SEC61A2: variants seen among roughly 807,000 people sequenced by gnomAD.
SEC61A2 encodes the protein protein transport protein Sec61 subunit alpha isoform 2.
A neutral mutation model predicts 59.9 loss-of-function variants in SEC61A2; 28 were observed. The ratio of observed to expected loss-of-function variants is 0.47; its 90% CI spans 0.35 to 0.64. SEC61A2 has a LOEUF of 0.64. Among genes scored for constraint, SEC61A2 ranks in the 30% least tolerant of loss-of-function variants. The pLI is 0.01. For missense variants in SEC61A2, 340 were observed against 585.9 expected (o/e 0.58, Z 4.33); for synonymous variants, 202 against 214.4 (o/e 0.94, Z 0.50).
chr10:12,167,439 A>G (rs1398951623), downstream of SEC61A2: 5 of 363,334 alleles, frequency 1.4e-5, no homozygotes, highest in African/African-American at 6.5e-5. Context: ...GCTGTAGTTA[A>G]CTGCTGTTGA....
downstream of SEC61A2, chr10:12,166,956 C>G (rs1326150257): frequency 4.1e-6 from 1 of 245,454 alleles, no homozygotes; most frequent in Non-Finnish European, 8.5e-6. Flanking sequence ...CTGCCCCAAA[C>G]ATGTCAGTCT....
Position 12,155,208 on chromosome 10 carries a change from G to T in SEC61A2, c.463-570G>T. On this transcript the variant is annotated intron_variant, in intron 6 of 11. Coordinates refer to ENST00000298428, the MANE Select transcript of SEC61A2 (RefSeq NM_018144.4). This position sits in a 1 kb window ranked among gnomAD's most constrained non-coding sequence, Gnocchi z 4.3. ...GTATAGAATGCATTTTTACATTGCT[G>T]CTCGAGTACGTATTTGAGTACATAT... is the stretch of plus-strand genomic sequence containing the variant. The T allele has an allele frequency of 1.4e-6, 1 of 716,198 alleles. No homozygotes were observed. The allele number at this position is 716,198 out of a possible 1,614,324, so 44.4% of individuals were successfully genotyped here.
Position 12,164,777 on chromosome 10 carries a change from A to G in SEC61A2, c.*323A>G, listed in dbSNP as rs1834625576. Reference sequence around the variant, plus strand: ...ATTCGTTTTGCACACAACATTCAAAACACTTCATATTGCCCCCACTTGTTG... The same window carrying G: ...ATTCGTTTTGCACACAACATTCAAAGCACTTCATATTGCCCCCACTTGTTG... On this transcript the variant is annotated 3_prime_UTR_variant, in exon 12 of 12. Transcript: ENST00000298428. This position sits in a 1 kb window ranked among gnomAD's most constrained non-coding sequence, Gnocchi z 7.3. The G allele has an allele frequency of 9.3e-7, 1 of 1,076,812 alleles. No homozygotes were observed. Among genetic ancestry groups the G allele is most frequent in the East Asian group, 7.9e-5 (1 of 12,604 alleles). The allele number at this position is 1,076,812 out of a possible 1,614,324, so 66.7% of individuals were successfully genotyped here.
rs1834407125 is a variant in SEC61A2 at position 12,156,838 on chromosome 10, T to C, written c.617-69T>C. On this transcript the variant is annotated intron_variant, in intron 7 of 11. Transcript: ENST00000298428. The surrounding 1 kb of genome is among the most constrained non-coding windows in gnomAD (Gnocchi z 5.2). The stretch of plus-strand genomic sequence containing the variant: ...TCTGCTGTATACTGGACTTTCACGG[T>C]TAGTTGTTTGAGCTTTGGGACAGCT... The C allele has an allele frequency of 6.6e-7, 1 of 1,513,774 alleles. No homozygotes were observed. Among genetic ancestry groups the C allele is most frequent in the Non-Finnish European group, 9.0e-7 (1 of 1,109,640 alleles). 93.8% of individuals were successfully genotyped at this position (1,513,774 alleles called of 1,614,324 possible). A position where few individuals can be genotyped will look rare whatever the true frequency, so the allele number is the denominator to read the frequency against.
chr10:12,161,200 G>A lies in SEC61A2; in HGVS notation c.1167+79G>A. On this transcript the variant is annotated intron_variant, in intron 10 of 11. Transcript: ENST00000298428. The surrounding 1 kb of genome is among the most constrained non-coding windows in gnomAD (Gnocchi z 5.4). The stretch of plus-strand genomic sequence containing the variant: ...CATCTGTAATCGTAGCACTTTGGCA[G>A]GCTGAGGCCGCTGGATCGCTTCACC... 1 of 1,142,678 alleles carries A rather than the reference G, an allele frequency of 8.8e-7. No individual in the cohort carries two copies. Among genetic ancestry groups the A allele is most frequent in the South Asian group, 1.6e-5 (1 of 62,382 alleles). 70.8% of individuals were successfully genotyped at this position (1,142,678 alleles called of 1,614,324 possible).
intron 6 of SEC61A2, among the ~76,000 whole-genome samples, chr10:12,151,578 G>A (rs1005704600): frequency 2.0e-5 from 3 of 152,098 alleles, no homozygotes; most frequent in African/African-American, 7.2e-5. Flanking sequence ...CCAAAGTGCT[G>A]GGATTACAGG....
rs1175216469 is a variant in SEC61A2, at chr10:12,155,994, T to G, written c.616+63T>G. On this transcript the variant is annotated intron_variant, in intron 7 of 11. Coordinates refer to ENST00000298428, the MANE Select transcript of SEC61A2 (RefSeq NM_018144.4). The surrounding 1 kb of genome is among the most constrained non-coding windows in gnomAD (Gnocchi z 4.3). ...TGGATGTGTGCTGGGAACAAACCCA[T>G]CGTGTCGCAGTACATGCCTAGAGCC... The G allele has an allele frequency of 6.3e-7, 1 of 1,577,026 alleles. No individual in the cohort carries two copies. The highest frequency in any genetic ancestry group is 8.7e-7 in the Non-Finnish European group (1 of 1,148,084).
intron 3 of SEC61A2, among the ~76,000 whole-genome samples, chr10:12,139,232 G>A (rs1833953889): frequency 6.6e-6 from 1 of 151,620 alleles, no homozygotes; most frequent in African/African-American, 2.4e-5. Flanking sequence ...AAAGTGCTGG[G>A]ATTACAGGCG....
chr10:12,152,166 C>G lies in SEC61A2; in HGVS notation c.462+2205C>G, dbSNP rs1223205901. 6.6e-6 allele frequency among the ~76,000 whole-genome samples: 1 copy of G among 151,340 alleles called. No individual in the cohort carries two copies. The highest frequency in any genetic ancestry group is 1.5e-5 in the Non-Finnish European group (1 of 67,908). On this transcript the variant is annotated intron_variant, in intron 6 of 11. Coordinates refer to ENST00000298428, the MANE Select transcript of SEC61A2 (RefSeq NM_018144.4). This position sits in a 1 kb window ranked among gnomAD's most constrained non-coding sequence, Gnocchi z 5.5. Reference sequence around the variant, plus strand: ...TGGTGCAATCTTGGCTCACTGCAACCTCCGCCTCCCAGGTTCAAGCAATTC... The same window carrying G: ...TGGTGCAATCTTGGCTCACTGCAACGTCCGCCTCCCAGGTTCAAGCAATTC...
chr10:12,134,043 G>T (rs1284883092), intron 2 of SEC61A2, among the ~76,000 whole-genome samples: 3 of 152,190 alleles, frequency 2.0e-5, no homozygotes, highest in African/African-American at 7.2e-5. Context: ...GTCTCGCTCT[G>T]TCCCCCAGGC....
At chr10:12,131,682 C>CTTTTTT (rs1199525836) in intron 1 of SEC61A2, among the ~76,000 whole-genome samples, 744 of 46,564 alleles carry the variant, frequency 0.016, 158 homozygotes, top group Non-Finnish European at 0.026. Flanking sequence ...GATTACATAC[C>CTTTTTT]TTTTTTTTTT....
chr10:12,136,810 A>G (rs1222508527), intron 3 of SEC61A2, among the ~76,000 whole-genome samples: 1 of 150,804 alleles, frequency 6.6e-6, no homozygotes, highest in Non-Finnish European at 1.5e-5. Flanking sequence ...TTGTATTTTT[A>G]GTAGAGATGG....
Position 12,129,738 on chromosome 10 carries a change from A to G in SEC61A2, c.-50A>G. ...AGGCCCGAGCCGCGGGAGTCGAGCG[A>G]AGGCAGCGCCGAGGCCGCGGTTTCC... On this transcript the variant is annotated 5_prime_UTR_variant, in exon 1 of 12. Transcript: ENST00000298428. This position sits in a 1 kb window ranked among gnomAD's most constrained non-coding sequence, Gnocchi z 5.6. The G allele has an allele frequency of 1.3e-6, 2 of 1,484,666 alleles. No individual in the cohort carries two copies. Among genetic ancestry groups the G allele is most frequent in the Non-Finnish European group, 1.8e-6 (2 of 1,121,838 alleles). The allele number at this position is 1,484,666 out of a possible 1,614,324, so 92.0% of individuals were successfully genotyped here.
At position 12,152,618 on chromosome 10, in the gene SEC61A2, G is replaced by A. The variant is rs188214618; in HGVS notation, c.462+2657G>A. ...CTACTAAAAACACAAAAATTGGCCG[G>A]GTGCAGTGGCTCACACCTGTAATCC... is the stretch of plus-strand genomic sequence containing the variant. On this transcript the variant is annotated intron_variant, in intron 6 of 11. Transcript: ENST00000298428. The surrounding 1 kb of genome is among the most constrained non-coding windows in gnomAD (Gnocchi z 5.5). Among the ~76,000 whole-genome samples the A allele has an allele frequency of 6.6e-6, 1 of 152,162 alleles. No homozygotes were observed. The highest frequency in any genetic ancestry group is 1.9e-4 in the East Asian group (1 of 5,144).
In SEC61A2 at chr10:12,133,255, G is replaced by A. The variant is rs1197969539; in HGVS notation, c.22G>A (p.Val8Ile). 1.3e-6 allele frequency: 2 copies of A among 1,530,402 alleles called. No homozygotes were observed. The highest frequency in any genetic ancestry group is 1.8e-6 in the Non-Finnish European group (2 of 1,111,784). 94.8% of individuals were successfully genotyped at this position (1,530,402 alleles called of 1,614,324 possible). The change falls in exon 2 of 12, where the codon GTT (valine) becomes ATT (isoleucine). Residue 8 changes from valine (V) to isoleucine (I), a missense_variant. Val to Ile is a conservative substitution (Grantham distance 29). This residue lies in a region of SEC61A2 where 41 missense variants were observed against 47.6 expected (regional missense o/e 0.86). Transcript: ENST00000298428. MGIKFLE[V>I]IKPFCAVLPE... ...TCTTTTTACAGTCAAATTTTTAGAA[G>A]TTATCAAACCATTCTGTGCAGTTCT...
chr10:12,135,764 C>T (rs895693368), intron 2 of SEC61A2, among the ~76,000 whole-genome samples: 4 of 152,162 alleles, frequency 2.6e-5, no homozygotes, highest in Non-Finnish European at 5.9e-5. Flanking sequence ...TCCTCCAGTT[C>T]GTTCCATCCA....
downstream of SEC61A2, chr10:12,167,513 A>G (rs1022948855): frequency 7.3e-6 from 4 of 550,874 alleles, no homozygotes; most frequent in African/African-American, 7.8e-5. Context: ...AGCTGGAGTT[A>G]TAACAAATTT....
At position 12,155,754 on chromosome 10, in the gene SEC61A2, T is replaced by A. The variant is rs1834383582; in HGVS notation, c.463-24T>A. 6.2e-7 allele frequency: 1 copy of A among 1,613,706 alleles called. No homozygotes were observed. Among genetic ancestry groups the A allele is most frequent in the African/African-American group, 1.3e-5 (1 of 74,930 alleles). On this transcript the variant is annotated intron_variant, in intron 6 of 11. Transcript: ENST00000298428. The surrounding 1 kb of genome is among the most constrained non-coding windows in gnomAD (Gnocchi z 4.3). ...TTCTTGAGTTTGTTCTTGCTTCCGCTTACTTGCATTTCTTTCCCCACAGTT... is the reference window on the plus strand; with the variant it reads ...TTCTTGAGTTTGTTCTTGCTTCCGCATACTTGCATTTCTTTCCCCACAGTT...
At position 12,154,691 on chromosome 10, in the gene SEC61A2, A is replaced by G. The variant is rs3758375; in HGVS notation, c.463-1087A>G. Among the ~76,000 whole-genome samples the G allele has an allele frequency of 0.42, 63,709 of 152,048 alleles. 13,358 individuals are homozygous for G. The highest frequency in any genetic ancestry group is 0.53 in the East Asian group (2,729 of 5,174). On this transcript the variant is annotated intron_variant, in intron 6 of 11. Transcript: ENST00000298428. The surrounding 1 kb of genome is among the most constrained non-coding windows in gnomAD (Gnocchi z 5.2). Reference sequence around the variant, plus strand: ...CAGACTAAAAGCCTGTAAATAGACAAGTTAGGCTCTGTCCAACTACTGAAA... The same window carrying G: ...CAGACTAAAAGCCTGTAAATAGACAGGTTAGGCTCTGTCCAACTACTGAAA...
Sources: gnomAD v4.1 joint callset for allele counts (sites outside exome capture counted in the v4.1 genomes callset) on GRCh38, gnomAD v4.1.1 for gene constraint, gnomAD v4.1.1 regional missense constraint, Gnocchi (gnomAD v3.1) non-coding constraint, MANE v1.5 for transcripts, NCBI Gene and HGNC (gene_info 2026-07-23, HGNC 2026-07-21) for gene names.